Variants in UTP25 observed in about 807,000 individuals in gnomAD.
UTP25 encodes the protein U3 small nucleolar RNA-associated protein 25 homolog.
A neutral mutation model predicts 78.9 loss-of-function variants in UTP25; 50 were observed. The observed-to-expected ratio is 0.63, with a 90% CI of 0.50 to 0.80. UTP25 has a LOEUF of 0.80. Among genes scored for constraint, UTP25 ranks in the 30% least tolerant of loss-of-function variants. The pLI, the probability that UTP25 is intolerant of heterozygous loss-of-function variation, is 0.00. For synonymous variants in UTP25, 329 were observed against 336.5 expected, an observed-to-expected ratio of 0.98 and a Z score of 0.24; for missense variants, 846 against 911.3, an observed-to-expected ratio of 0.93 and a Z score of 0.92.
chr1:209,828,276 T>A, intron 1 of UTP25, 106 bp downstream of exon 1: 1 of 812,902 alleles, frequency 1.2e-6, no homozygotes, highest in Non-Finnish European at 2.0e-6. Context: ...CACTATTCCC[T>A]GGCTCCCGCT....
intron 11 of UTP25, among the ~76,000 whole-genome samples, chr1:209,845,845 TTTTTTC>T (rs1291110799): frequency 8.0e-5 from 12 of 150,532 alleles, no homozygotes; most frequent in South Asian, 4.2e-4. Context: ...TAAGTACTTT[TTTTTTC>T]TTTTTCTTTT....
chr1:209,838,298 CA>C (rs1234539373), intron 6 of UTP25, among the ~76,000 whole-genome samples: 1 of 152,172 alleles, frequency 6.6e-6, no homozygotes, highest in Non-Finnish European at 1.5e-5. Flanking sequence ...TTATTCTCAA[CA>C]GTAACTTTAA....
chr1:209,842,817 TG>T, intron 10 of UTP25, 122 bp downstream of exon 10: 1 of 687,218 alleles, frequency 1.5e-6, no homozygotes, highest in Non-Finnish European at 2.5e-6. Context: ...TTGAGATAAT[TG>T]AACTTAATTA....
At chr1:209,832,557 C>T (rs894205926) in intron 3 of UTP25, among the ~76,000 whole-genome samples, 17 of 152,092 alleles carry the variant, frequency 1.1e-4, no homozygotes, top group Admixed American at 1.1e-3. Flanking sequence ...TATATTAATT[C>T]GAAATCTCCA....
rs902609965 is a variant in UTP25, at chr1:209,852,508, G to T, written c.*1061G>T. Reference sequence around the variant, plus strand: ...CGTAGTTTCTTCTTTTATTCAATGGGTTACGGTTTGTTACATCATTATTTC... The same window carrying T: ...CGTAGTTTCTTCTTTTATTCAATGGTTTACGGTTTGTTACATCATTATTTC... On this transcript the variant is annotated 3_prime_UTR_variant, in exon 12 of 12. Transcript: ENST00000491415. 2 of 152,140 alleles carry T rather than the reference G, an allele frequency of 1.3e-5. No individual in the cohort carries two copies. The highest frequency in any genetic ancestry group is 2.4e-5 in the African/African-American group (1 of 41,406). The allele number at this position is 152,140 out of a possible 1,614,324, so 9.4% of individuals were successfully genotyped here. A position where few individuals can be genotyped will look rare whatever the true frequency, so the allele number is the denominator to read the frequency against.
intron 11 of UTP25, among the ~76,000 whole-genome samples, chr1:209,844,996 G>A (rs1055086867): frequency 1.3e-5 from 2 of 152,138 alleles, no homozygotes; most frequent in East Asian, 1.9e-4. Flanking sequence ...AAACAGATAC[G>A]CCAGAAATCT....
chr1:209,833,449 C>T, intron 4 of UTP25, 91 bp downstream of exon 4: 5 of 1,178,410 alleles, frequency 4.2e-6, no homozygotes, highest in Non-Finnish European at 4.6e-6. Flanking sequence ...TTGGAACAAA[C>T]AGCAATAAAA....
In UTP25 at chr1:209,853,278, T is replaced by G. The variant is rs2078251453; in HGVS notation, c.*1831T>G. 1 of 152,134 alleles carries G rather than the reference T, an allele frequency of 6.6e-6. No individual in the cohort carries two copies. The highest frequency in any genetic ancestry group is 2.4e-5 in the African/African-American group (1 of 41,434). The allele number at this position is 152,134 out of a possible 1,614,324, so 9.4% of individuals were successfully genotyped here. A position where few individuals can be genotyped will look rare whatever the true frequency, so the allele number is the denominator to read the frequency against. The stretch of plus-strand genomic sequence containing the variant: ...TAATTGTGCTGCTGTTTATCATAGA[T>G]CCTGTATATTATGAGAATAAGAAAT... On this transcript the variant is annotated 3_prime_UTR_variant, in exon 12 of 12. Coordinates refer to ENST00000491415, the MANE Select transcript of UTP25 (RefSeq NM_014388.7).
intron 6 of UTP25, 147 bp downstream of exon 6, chr1:209,837,358 G>A: frequency 1.1e-6 from 1 of 950,646 alleles, no homozygotes; most frequent in Non-Finnish European, 1.5e-6. Context: ...AAGTAGGCCA[G>A]GTAGTGTCAG....
Position 209,851,683 on chromosome 1 carries a change from T to C in UTP25, c.*236T>C, listed in dbSNP as rs1463562305. Reference sequence around the variant, plus strand: ...AGTGAAGAGGGGGCTAGAAGGACTCTGAGAAGTTGGTAGAAGAAAACTCCC... The same window carrying C: ...AGTGAAGAGGGGGCTAGAAGGACTCCGAGAAGTTGGTAGAAGAAAACTCCC... On this transcript the variant is annotated 3_prime_UTR_variant, in exon 12 of 12. Transcript: ENST00000491415. 5.3e-6 allele frequency: 2 copies of C among 376,052 alleles called. No individual in the cohort carries two copies. Among genetic ancestry groups the C allele is most frequent in the Non-Finnish European group, 9.3e-6 (2 of 215,830 alleles). The allele number at this position is 376,052 out of a possible 1,614,324, so 23.3% of individuals were successfully genotyped here.
chr1:209,847,444 C>T (rs1331535880), intron 11 of UTP25, among the ~76,000 whole-genome samples: 1 of 152,168 alleles, frequency 6.6e-6, no homozygotes. Context: ...CGTGAGTCTT[C>T]ATTGACACTT....
intron 11 of UTP25, among the ~76,000 whole-genome samples, chr1:209,849,196 G>T (rs1010318589): frequency 6.6e-6 from 1 of 152,106 alleles, no homozygotes; most frequent in Admixed American, 6.5e-5. Flanking sequence ...AGCTTTGGGG[G>T]TGAGGTTTTC....
intron 11 of UTP25, among the ~76,000 whole-genome samples, chr1:209,847,039 GTTT>G (rs547953277): frequency 6.6e-6 from 1 of 151,756 alleles, no homozygotes; most frequent in Non-Finnish European, 1.5e-5. Context: ...ACACACACGT[GTTT>G]TTTTAAAAAA....
intron 1 of UTP25, among the ~76,000 whole-genome samples, chr1:209,828,654 T>G (rs1440105546): frequency 1.3e-5 from 2 of 151,628 alleles, no homozygotes; most frequent in Admixed American, 6.6e-5. Context: ...TCCACCCACC[T>G]CGGCCTCCCA....
rs1187289205 is a variant in UTP25 at position 209,853,370 on chromosome 1, T to A, written c.*1923T>A. On this transcript the variant is annotated 3_prime_UTR_variant, in exon 12 of 12. Coordinates refer to ENST00000491415, the MANE Select transcript of UTP25 (RefSeq NM_014388.7). Reference sequence around the variant, plus strand: ...GTAATTACCTGGATCTTTTTTTTTTTTTTTGAGATGGAGTCTCGCTCTGTT... The same window carrying A: ...GTAATTACCTGGATCTTTTTTTTTTATTTTGAGATGGAGTCTCGCTCTGTT... The A allele has an allele frequency of 6.6e-6, 1 of 152,134 alleles. No homozygotes were observed. The highest frequency in any genetic ancestry group is 1.5e-5 in the Non-Finnish European group (1 of 68,076). 9.4% of individuals were successfully genotyped at this position (152,134 alleles called of 1,614,324 possible). A position where few individuals can be genotyped will look rare whatever the true frequency, so the allele number is the denominator to read the frequency against.
chr1:209,846,376 T>C (rs185568654), intron 11 of UTP25, among the ~76,000 whole-genome samples: 1 of 152,266 alleles, frequency 6.6e-6, no homozygotes, highest in African/African-American at 2.4e-5. Context: ...ACAGCTCTTT[T>C]CCAGTGCGTT....
intron 5 of UTP25, 116 bp downstream of exon 5, chr1:209,835,279 A>C (rs2078126928): frequency 1.2e-6 from 1 of 837,302 alleles, no homozygotes; most frequent in Admixed American, 2.1e-5. Context: ...AGATGGCTTG[A>C]TAGGGAAGCA....
In UTP25 at chr1:209,854,275, G is replaced by GT. The variant is rs1475033538; in HGVS notation, c.*2834dup. 1 of 152,124 alleles carries GT rather than the reference G, an allele frequency of 6.6e-6. No individual in the cohort carries two copies. Among genetic ancestry groups the GT allele is most frequent in the Non-Finnish European group, 1.5e-5 (1 of 68,020 alleles). The allele number at this position is 152,124 out of a possible 1,614,324, so 9.4% of individuals were successfully genotyped here. ...TACCCAGAAAGTAACACTTTTAAAT[G>GT]TTTTTTCTTTTCCCATAGTTAAAAC... On this transcript the variant is annotated 3_prime_UTR_variant, in exon 12 of 12. Coordinates refer to ENST00000491415, the MANE Select transcript of UTP25 (RefSeq NM_014388.7).
In UTP25 at chr1:209,842,385, G is replaced by T; in HGVS notation, c.1606G>T (p.Ala536Ser). ...KYYRQTLLFGALQDAQINSVF... is the reference protein window; with the variant it reads ...KYYRQTLLFGSLQDAQINSVF... Reference sequence around the variant, plus strand: ...CTATCGCCAGACACTGCTATTTGGGGCCCTTCAGGATGCCCAGATCAACTC... The same window carrying T: ...CTATCGCCAGACACTGCTATTTGGGTCCCTTCAGGATGCCCAGATCAACTC... The change falls in exon 9 of 12, where the codon GCC (alanine) becomes TCC (serine). Residue 536 changes from alanine to serine, a missense_variant. Ala to Ser is a moderately conservative substitution (Grantham distance 99, BLOSUM62 1). Transcript: ENST00000491415. The T allele has an allele frequency of 1.2e-6, 2 of 1,614,156 alleles. No individual in the cohort carries two copies. The highest frequency in any genetic ancestry group is 1.1e-5 in the South Asian group (1 of 91,084).
Sources: allele counts gnomAD v4.1 joint callset (sites outside exome capture counted in the v4.1 genomes callset), GRCh38; gene constraint gnomAD v4.1.1; transcripts MANE v1.5; gene names NCBI Gene and HGNC (gene_info 2026-07-23, HGNC 2026-07-21).